ZMYND8: variants seen among roughly 807,000 people sequenced by gnomAD.
The protein encoded by ZMYND8 is zinc finger MYND-type containing 8, also known as MYND-type zinc finger-containing chromatin reader ZMYND8.
ZMYND8 carries 37 observed loss-of-function variants against 140.8 expected under a neutral mutation model. That is an observed-to-expected ratio of 0.26 (90% CI 0.20 to 0.35). The LOEUF is 0.35. Ranked by LOEUF, ZMYND8 falls within the 10% of genes least tolerant of loss-of-function variation. The probability of loss-of-function intolerance (pLI) is 1.00; values close to 1 mark genes in which losing one functional copy is unlikely to be tolerated. For missense variants in ZMYND8, 1,068 were observed against 1,570.0 expected (o/e 0.68, Z 5.40); for synonymous variants, 592 against 597.1 (o/e 0.99, Z 0.12).
chr20:47,261,444 CA>C (rs1242612616), intron 12 of ZMYND8, among the ~76,000 whole-genome samples: 1 of 151,890 alleles, frequency 6.6e-6, no homozygotes, highest in Non-Finnish European at 1.5e-5. Context: ...GAGGGTGAGG[CA>C]GGAAATAGCT....
intron 7 of ZMYND8, among the ~76,000 whole-genome samples, chr20:47,287,997 T>C (rs1181289073): frequency 1.3e-5 from 2 of 152,218 alleles, no homozygotes; most frequent in Non-Finnish European, 2.9e-5. Flanking sequence ...AAAGTAACCA[T>C]CTAGCCCCAG....
At chr20:47,354,226 G>C (rs2083032440) in intron 1 of ZMYND8, 1 of 152,184 alleles carries the variant, frequency 6.6e-6, no homozygotes, top group Non-Finnish European at 1.5e-5. Context: ...TTTGAAAACA[G>C]ATCTTGGCTC....
chr20:47,320,970 C>G (rs1018288137), intron 2 of ZMYND8, among the ~76,000 whole-genome samples: 7 of 152,126 alleles, frequency 4.6e-5, no homozygotes, highest in African/African-American at 7.2e-5. Flanking sequence ...GTCCAAAATC[C>G]AAGTGAAAGG....
intron 3 of ZMYND8, among the ~76,000 whole-genome samples, chr20:47,303,326 A>G (rs1263286238): frequency 1.3e-5 from 2 of 152,152 alleles, no homozygotes; most frequent in Admixed American, 1.3e-4. Flanking sequence ...GTCTTCTAGG[A>G]TGCTACTGTG....
At chr20:47,290,378 C>T (rs2077177049) in intron 6 of ZMYND8, 104 bp from the exon 7 acceptor site, 3 of 911,662 alleles carry the variant, frequency 3.3e-6, no homozygotes, top group Non-Finnish European at 5.0e-6. Context: ...TTTGCCAAAT[C>T]AATTAGTGTT....
chr20:47,283,623 T>G lies in ZMYND8; in HGVS notation c.830A>C (p.Glu277Ala). ...TTTTTGGCAAGCAGCTAGATAACATTCTGGACATACTTCGATTTCATTCAT... is the reference window on the plus strand; with the variant it reads ...TTTTTGGCAAGCAGCTAGATAACATGCTGGACATACTTCGATTTCATTCAT... The part of the protein sequence containing the change: ...HEMNEIEVCP[E>A]CYLAACQKRD... The change falls in exon 9 of 23, where the codon GAA (glutamate) becomes GCA (alanine). Residue 277 changes from glutamate to alanine, a missense_variant. Transcript: ENST00000471951. 6.2e-7 allele frequency: 1 copy of G among 1,614,100 alleles called. No homozygotes were observed. The highest frequency in any genetic ancestry group is 8.5e-7 in the Non-Finnish European group (1 of 1,179,990).
chr20:47,252,291 C>CAAAAAAA (rs144291181), intron 12 of ZMYND8, among the ~76,000 whole-genome samples: 1 of 68,944 alleles, frequency 1.5e-5, no homozygotes, highest in Non-Finnish European at 2.6e-5. Context: ...GACTCTGTCT[C>CAAAAAAA]AAAAAAAAAA....
intron 2 of ZMYND8, among the ~76,000 whole-genome samples, chr20:47,345,511 T>TTC (rs1432915462): frequency 6.6e-6 from 1 of 151,440 alleles, no homozygotes; most frequent in Non-Finnish European, 1.5e-5. Context: ...ACCCACTTTT[T>TTC]TTTTTTTTTT....
intron 20 of ZMYND8, 83 bp from the exon 21 acceptor site, chr20:47,220,407 G>T: frequency 1.7e-6 from 2 of 1,146,362 alleles, no homozygotes; most frequent in Non-Finnish European, 2.5e-6. Context: ...AGTCATGGGG[G>T]TGCTCATCGC....
intron 11 of ZMYND8, among the ~76,000 whole-genome samples, chr20:47,267,106 G>C (rs539767472): frequency 4.9e-4 from 75 of 152,284 alleles, no homozygotes; most frequent in African/African-American, 1.7e-3. Flanking sequence ...TGGCTGACTT[G>C]AAAACATGAT....
intron 16 of ZMYND8, among the ~76,000 whole-genome samples, chr20:47,233,388 T>A (rs1382963492): frequency 2.0e-5 from 3 of 152,028 alleles, no homozygotes; most frequent in Non-Finnish European, 4.4e-5. Flanking sequence ...TTTTTTTTAT[T>A]TGTAAAGACA....
chr20:47,210,938 T>C, intron 22 of ZMYND8, 41 bp from the exon 23 acceptor site: 1 of 1,599,956 alleles, frequency 6.3e-7, no homozygotes. Context: ...CCTGCCCACC[T>C]GCGCCTGAGC....
chr20:47,339,782 A>G (rs2081688263), intron 2 of ZMYND8, among the ~76,000 whole-genome samples: 1 of 151,834 alleles, frequency 6.6e-6, no homozygotes, highest in African/African-American at 2.4e-5. Context: ...ACCCGGCCCC[A>G]AGAACCATTC....
intron 17 of ZMYND8, among the ~76,000 whole-genome samples, chr20:47,228,657 T>C (rs954961520): frequency 5.3e-5 from 8 of 152,234 alleles, no homozygotes; most frequent in African/African-American, 1.7e-4. Context: ...TCTTAAATCT[T>C]TGTATTCACA....
At chr20:47,306,655 C>A (rs1270832581) in intron 3 of ZMYND8, among the ~76,000 whole-genome samples, 1 of 151,440 alleles carries the variant, frequency 6.6e-6, no homozygotes, top group East Asian at 2.0e-4. Flanking sequence ...ACTGCAACCG[C>A]TGCCTCCCGG....
At chr20:47,254,752 C>T (rs759058945) in intron 12 of ZMYND8, among the ~76,000 whole-genome samples, 3 of 152,062 alleles carry the variant, frequency 2.0e-5, no homozygotes, top group Admixed American at 1.3e-4. Context: ...GGGGCTGTCC[C>T]GTGTGTTGTA....
chr20:47,209,758 T>C lies in ZMYND8; in HGVS notation c.*1003A>G, dbSNP rs2035006551. 1 of 152,676 alleles carries C rather than the reference T, an allele frequency of 6.5e-6. No homozygotes were observed. The highest frequency in any genetic ancestry group is 1.5e-5 in the Non-Finnish European group (1 of 68,040). The allele number at this position is 152,676 out of a possible 1,614,324, so 9.5% of individuals were successfully genotyped here. A position where few individuals can be genotyped will look rare whatever the true frequency, so the allele number is the denominator to read the frequency against. On this transcript the variant is annotated 3_prime_UTR_variant, in exon 23 of 23. Transcript: ENST00000471951. ...AGTGTACGGACAGCATGACGGGCCT[T>C]GCTTTCTCTCATACTGCCTGTGTTT...
intron 2 of ZMYND8, among the ~76,000 whole-genome samples, chr20:47,344,587 CT>C (rs2082183392): frequency 6.6e-6 from 1 of 152,144 alleles, no homozygotes; most frequent in Admixed American, 6.5e-5. Context: ...GGAAAAGGGA[CT>C]TTTGTGGGAA....
At chr20:47,286,642 A>AT (rs2076940526) in intron 8 of ZMYND8, among the ~76,000 whole-genome samples, 1 of 152,042 alleles carries the variant, frequency 6.6e-6, no homozygotes, top group East Asian at 1.9e-4. Flanking sequence ...ATTCCATCTC[A>AT]TTTTTTTATT....
Sources: allele counts gnomAD v4.1 joint callset (sites outside exome capture counted in the v4.1 genomes callset), GRCh38; gene constraint gnomAD v4.1.1; transcripts MANE v1.5; gene names NCBI Gene and HGNC (gene_info 2026-07-23, HGNC 2026-07-21).